PPM1L: variants seen among roughly 807,000 people sequenced by gnomAD.
PPM1L encodes the protein protein phosphatase, Mg2+/Mn2+ dependent 1L, also known as protein phosphatase 1L.
Under a neutral mutation model 31.4 loss-of-function variants are expected in PPM1L, and 13 were observed. The observed-to-expected ratio is 0.41, with a 90% CI of 0.27 to 0.66. The LOEUF (loss-of-function observed/expected upper bound fraction) is 0.66, where lower values mean the gene tolerates loss of function less well. Ranked by LOEUF, PPM1L falls within the 30% of genes least tolerant of loss-of-function variation. The probability of loss-of-function intolerance (pLI) is 0.29; values close to 1 mark genes in which losing one functional copy is unlikely to be tolerated. For synonymous variants in PPM1L, 184 were observed against 175.4 expected (o/e 1.05, Z -0.39); for missense variants, 326 against 453.7 (o/e 0.72, Z 2.56).
intron 1 of PPM1L, among the ~76,000 whole-genome samples, chr3:160,827,029 G>A (rs1430684410): frequency 1.3e-5 from 2 of 152,170 alleles, no homozygotes; most frequent in African/African-American, 4.8e-5. Flanking sequence ...TTATGGATTT[G>A]TGTGCGACAA....
At chr3:160,840,171 T>G (rs1713828366) in intron 1 of PPM1L, among the ~76,000 whole-genome samples, 1 of 152,194 alleles carries the variant, frequency 6.6e-6, no homozygotes, top group African/African-American at 2.4e-5. Flanking sequence ...ACTTTTAAAA[T>G]GTTTCCTTGG....
intron 1 of PPM1L, among the ~76,000 whole-genome samples, chr3:160,775,478 C>G (rs1354893383): frequency 6.6e-6 from 1 of 152,170 alleles, no homozygotes; most frequent in East Asian, 1.9e-4. Context: ...ACAGCTCCTG[C>G]AGTGTAAGGT....
intron 1 of PPM1L, among the ~76,000 whole-genome samples, chr3:160,868,746 C>G (rs75412471): frequency 0.048 from 7,175 of 150,030 alleles, 235 homozygotes; most frequent in Admixed American, 0.099. Flanking sequence ...TTGTAGAAAG[C>G]GATCTGTATT....
intron 1 of PPM1L, among the ~76,000 whole-genome samples, chr3:160,847,097 A>C (rs78369066): frequency 0.033 from 5,029 of 152,232 alleles, 255 homozygotes; most frequent in African/African-American, 0.12. Flanking sequence ...ATCATGGTGC[A>C]AAATTTATTT....
intron 2 of PPM1L, among the ~76,000 whole-genome samples, chr3:160,993,495 T>C (rs1717202858): frequency 6.6e-6 from 1 of 152,176 alleles, no homozygotes; most frequent in African/African-American, 2.4e-5. Flanking sequence ...AAATAGCTTC[T>C]TGCCTGCTCA....
chr3:160,959,588 C>T (rs1049209200), intron 1 of PPM1L, among the ~76,000 whole-genome samples: 6 of 152,208 alleles, frequency 3.9e-5, no homozygotes, highest in South Asian at 4.2e-4. Context: ...TCAGCTTTTT[C>T]GGAGGCTGAG....
At chr3:161,024,431 G>A (rs552128280) in intron 2 of PPM1L, among the ~76,000 whole-genome samples, 1 of 152,240 alleles carries the variant, frequency 6.6e-6, no homozygotes, top group South Asian at 2.1e-4. Flanking sequence ...GGGTGCAGTG[G>A]CTCATGCCTG....
chr3:161,001,210 C>T (rs1166779444), intron 2 of PPM1L, among the ~76,000 whole-genome samples: 1 of 151,956 alleles, frequency 6.6e-6, no homozygotes, highest in Non-Finnish European at 1.5e-5. Flanking sequence ...GATTGCAAAA[C>T]AAAACAAAAA....
intron 1 of PPM1L, among the ~76,000 whole-genome samples, chr3:160,909,106 T>C (rs879269817): frequency 6.6e-6 from 1 of 152,198 alleles, no homozygotes; most frequent in Non-Finnish European, 1.5e-5. Context: ...ATTTTATGTT[T>C]TCTACATAGA....
At chr3:160,781,560 C>T (rs1399427721) in intron 1 of PPM1L, among the ~76,000 whole-genome samples, 1 of 152,194 alleles carries the variant, frequency 6.6e-6, no homozygotes, top group Admixed American at 6.5e-5. Flanking sequence ...TTCAAGAGAG[C>T]TCAGGGCACA....
chr3:160,925,121 C>T (rs1714543930), intron 1 of PPM1L, among the ~76,000 whole-genome samples: 1 of 152,140 alleles, frequency 6.6e-6, no homozygotes. Context: ...AAATCAGCTT[C>T]TAGAATTATA....
In PPM1L at chr3:161,074,724, G is replaced by C. The variant is rs1249704933; in HGVS notation, c.*5567G>C. The C allele has an allele frequency of 2.6e-5, 4 of 152,096 alleles. No individual in the cohort carries two copies. The highest frequency in any genetic ancestry group is 5.9e-5 in the Non-Finnish European group (4 of 68,022). The allele number at this position is 152,096 out of a possible 1,614,324, so 9.4% of individuals were successfully genotyped here. On this transcript the variant is annotated 3_prime_UTR_variant, in exon 4 of 4. Transcript: ENST00000498165. ...AGGGTTGATTATTGATAATTTTTAT[G>C]TGTTTAGTAATAACCACAGCATCAT...
intron 2 of PPM1L, among the ~76,000 whole-genome samples, chr3:160,973,778 T>TTTG (rs1716443206): frequency 2.1e-5 from 1 of 47,870 alleles, no homozygotes; most frequent in African/African-American, 1.0e-4. Context: ...TTTTTTTTTT[T>TTTG]TTTTTTTTTT....
intron 1 of PPM1L, among the ~76,000 whole-genome samples, chr3:160,759,086 C>G (rs1258124666): frequency 6.6e-6 from 1 of 152,118 alleles, no homozygotes; most frequent in Non-Finnish European, 1.5e-5. Context: ...CATTCAAAAT[C>G]CTACCATCTA....
chr3:160,874,007 A>C (rs1364631785), intron 1 of PPM1L, among the ~76,000 whole-genome samples: 4 of 152,210 alleles, frequency 2.6e-5, no homozygotes. Flanking sequence ...TTTTCTGTCT[A>C]TATCAGACAT....
At chr3:161,016,468 T>C (rs1471229270) in intron 2 of PPM1L, among the ~76,000 whole-genome samples, 1 of 152,102 alleles carries the variant, frequency 6.6e-6, no homozygotes, top group African/African-American at 2.4e-5. Context: ...CTAACCAAGA[T>C]ATGGAACGCT....
intron 2 of PPM1L, among the ~76,000 whole-genome samples, chr3:160,976,684 G>T (rs939892023): frequency 6.6e-6 from 1 of 152,198 alleles, no homozygotes; most frequent in African/African-American, 2.4e-5. Flanking sequence ...AGTATTCTCT[G>T]ATGGTAGTTT....
chr3:160,993,534 G>C (rs1257622870), intron 2 of PPM1L, among the ~76,000 whole-genome samples: 2 of 152,088 alleles, frequency 1.3e-5, no homozygotes, highest in Non-Finnish European at 2.9e-5. Context: ...CATTGTTCTG[G>C]TGATGCTTCT....
rs923481065 is a variant in PPM1L at position 161,075,434 on chromosome 3, T to C, written c.*6277T>C. On this transcript the variant is annotated 3_prime_UTR_variant, in exon 4 of 4. Transcript: ENST00000498165. ...AGGCAGTTGTTACCACTTTTCACCA[T>C]TCAAAAAATGGGCTTGTCTCTTAGA... is the stretch of plus-strand genomic sequence containing the variant. The C allele has an allele frequency of 6.6e-6, 1 of 152,218 alleles. No individual in the cohort carries two copies. Among genetic ancestry groups the C allele is most frequent in the African/African-American group, 2.4e-5 (1 of 41,472 alleles). 9.4% of individuals were successfully genotyped at this position (152,218 alleles called of 1,614,324 possible).
Sources: allele counts gnomAD v4.1 joint callset (sites outside exome capture counted in the v4.1 genomes callset), GRCh38; gene constraint gnomAD v4.1.1; transcripts MANE v1.5; gene names NCBI Gene and HGNC (gene_info 2026-07-23, HGNC 2026-07-21).